Variants in IHO1 observed in about 807,000 individuals in gnomAD.
IHO1 encodes interactor of HORMAD1 1.
A neutral mutation model predicts 31.0 loss-of-function variants in IHO1; 13 were observed. That is an observed-to-expected ratio of 0.42 (90% CI 0.27 to 0.67). The LOEUF (loss-of-function observed/expected upper bound fraction) is 0.67. IHO1 is among the 30% of genes least tolerant of loss of function. IHO1 has a pLI of 0.24. For missense variants in IHO1, 599 were observed against 687.5 expected, an observed-to-expected ratio of 0.87 and a Z score of 1.44; for synonymous variants, 221 against 248.4, an observed-to-expected ratio of 0.89 and a Z score of 1.04.
chr3:49,228,613 A>G lies in IHO1; in HGVS notation c.57-7935A>G, dbSNP rs1037127494. Among the ~76,000 whole-genome samples, 36 of 152,240 alleles carry G rather than the reference A, an allele frequency of 2.4e-4. 7 individuals carry two copies. The highest frequency in any genetic ancestry group is 1.8e-3 in the Admixed American group (28 of 15,292). The stretch of plus-strand genomic sequence containing the variant: ...AGGAATGAAGCTGTGGACCTTCGCG[A>G]TGAGTGTTACAGCTCTTAAAGATGG... On this transcript the variant is annotated intron_variant, in intron 2 of 7. Transcript: ENST00000452691.
intron 2 of IHO1, chr3:49,228,462 A>G (rs1210422913): frequency 5.7e-6 from 2 of 349,348 alleles, no homozygotes; most frequent in East Asian, 8.9e-5. Flanking sequence ...TTCTAAGGAA[A>G]AATAGAACAG....
chr3:49,224,879 C>A (rs1392895384), intron 2 of IHO1, among the ~76,000 whole-genome samples: 1 of 152,208 alleles, frequency 6.6e-6, no homozygotes, highest in Non-Finnish European at 1.5e-5. Context: ...GGGCCATTCC[C>A]TCAAGGAGTA....
rs118152762 is a variant in IHO1 at position 49,242,259 on chromosome 3, G to T, written c.395+870G>T. On this transcript the variant is annotated intron_variant, in intron 4 of 7. Transcript: ENST00000452691. ...CAGTCTTCCCACCTTAGCTTCCCAA[G>T]TAGCTTCGATCAGAGGCACACACAG... 7.2e-5 allele frequency among the ~76,000 whole-genome samples: 11 copies of T among 151,996 alleles called. 1 individual carries two copies. The East Asian group carries it at 1.9e-3, about 27-fold the overall frequency.
upstream of IHO1, among the ~76,000 whole-genome samples, chr3:49,196,761 C>T (rs1431150959): frequency 6.6e-6 from 1 of 151,204 alleles, no homozygotes; most frequent in Non-Finnish European, 1.5e-5. Flanking sequence ...ACCTCTGCCT[C>T]CTGGGTTCAC....
intron 1 of IHO1, among the ~76,000 whole-genome samples, chr3:49,202,723 T>C (rs1048194635): frequency 5.3e-5 from 8 of 151,668 alleles, no homozygotes; most frequent in African/African-American, 1.9e-4. Context: ...TCACCCAGGC[T>C]GGAGTACGAT....
In IHO1 at chr3:49,255,567, T is replaced by C. The variant is rs538810070; in HGVS notation, c.636+74T>C. On this transcript the variant is annotated intron_variant, in intron 7 of 7. Transcript: ENST00000452691. ...TAGACCCAGAGAGAAACTTTTTTTTTTTTTTTTTTTTTGAGACAGAGTCTC... is the reference window on the plus strand; with the variant it reads ...TAGACCCAGAGAGAAACTTTTTTTTCTTTTTTTTTTTTGAGACAGAGTCTC... 2.3e-4 allele frequency: 226 copies of C among 988,194 alleles called. 2 individuals are homozygous for C. In the East Asian group the frequency reaches 6.2e-3, roughly 27 times the overall value. The allele number at this position is 988,194 out of a possible 1,614,324, so 61.2% of individuals were successfully genotyped here. A position where few individuals can be genotyped will look rare whatever the true frequency, so the allele number is the denominator to read the frequency against.
intron 2 of IHO1, among the ~76,000 whole-genome samples, chr3:49,233,823 A>T (rs1280676731): frequency 6.6e-6 from 1 of 152,118 alleles, no homozygotes; most frequent in African/African-American, 2.4e-5. Flanking sequence ...TACCAGAATG[A>T]GGGCAAGGAA....
Position 49,257,225 on chromosome 3 carries a change from A to G in IHO1, c.1728A>G (p.Ala576=). The part of the protein sequence containing the change: ...GCSETPLCKE[A]GKNLLYDLGF... Reference sequence around the variant, plus strand: ...CAGAGACCCCTCTATGCAAGGAGGCAGGAAAGAATTTGCTCTATGACCTGG... The same window carrying G: ...CAGAGACCCCTCTATGCAAGGAGGCGGGAAAGAATTTGCTCTATGACCTGG... Residue 576 remains alanine, a synonymous_variant, in exon 8 of 8, where the codon GCA becomes GCG. Transcript: ENST00000452691. 1 of 1,614,194 alleles carries G rather than the reference A, an allele frequency of 6.2e-7. No homozygotes were observed. The highest frequency in any genetic ancestry group is 8.5e-7 in the Non-Finnish European group (1 of 1,180,014).
intron 2 of IHO1, among the ~76,000 whole-genome samples, chr3:49,214,632 ATT>A (rs3083884): frequency 4.4e-3 from 23 of 5,180 alleles, no homozygotes; most frequent in African/African-American, 0.015. Flanking sequence ...ATATATATAT[ATT>A]TTTTTTTTTT....
chr3:49,191,731 A>G, the IHO1 span: 2 of 1,593,522 alleles, frequency 1.3e-6, no homozygotes, highest in South Asian at 2.2e-5. Context: ...GATTAACATA[A>G]AGTGCACTCT....
chr3:49,204,526 A>C (rs2046109561), intron 1 of IHO1, among the ~76,000 whole-genome samples: 1 of 152,164 alleles, frequency 6.6e-6, no homozygotes, highest in African/African-American at 2.4e-5. Context: ...TTCTGAAAGA[A>C]TTTTGGTGAT....
intron 1 of IHO1, among the ~76,000 whole-genome samples, chr3:49,202,495 TTGTGTGTGTGTGTG>T (rs113425200): frequency 0.012 from 1,511 of 129,984 alleles, 21 homozygotes; most frequent in African/African-American, 0.033. Flanking sequence ...CCGGCTAATT[TTGTGTGTGTGTGTG>T]TGTGTGTGTG....
chr3:49,245,131 C>A, intron 6 of IHO1: 1 of 400,948 alleles, frequency 2.5e-6, no homozygotes, highest in Non-Finnish European at 4.5e-6. Flanking sequence ...ACCTGCTGCT[C>A]TTCTTGCTGC....
chr3:49,198,730 T>C (rs1448032206), upstream of IHO1: 1 of 152,362 alleles, frequency 6.6e-6, no homozygotes, highest in East Asian at 1.9e-4. Context: ...CAGGCTGGTC[T>C]CAAGCATGTT....
At chr3:49,201,511 T>C (rs2046069108) in intron 1 of IHO1, among the ~76,000 whole-genome samples, 1 of 152,012 alleles carries the variant, frequency 6.6e-6, no homozygotes, top group Admixed American at 6.6e-5. Context: ...TAATCCCAGC[T>C]ACTCGGGAGG....
At chr3:49,228,398 G>C in intron 2 of IHO1, 1 of 428,814 alleles carries the variant, frequency 2.3e-6, no homozygotes, top group Non-Finnish European at 4.7e-6. Flanking sequence ...TAGTCCAGCG[G>C]CCACGCTAGT....
intron 2 of IHO1, chr3:49,228,256 C>T: frequency 2.3e-6 from 1 of 441,204 alleles, no homozygotes. Context: ...GCTTTCCTCT[C>T]TGTCAACCTT....
intron 6 of IHO1, among the ~76,000 whole-genome samples, chr3:49,250,470 TTTGC>T (rs1328638170): frequency 6.6e-6 from 1 of 152,162 alleles, no homozygotes; most frequent in Admixed American, 6.6e-5. Flanking sequence ...AATCAAACAC[TTTGC>T]TTGCCTTTCT....
intron 2 of IHO1, among the ~76,000 whole-genome samples, chr3:49,218,260 GCTCT>G (rs1221515122): frequency 1.1e-4 from 16 of 150,964 alleles, no homozygotes; most frequent in South Asian, 2.1e-4. Flanking sequence ...GACAGCTCCG[GCTCT>G]CTCTCTCTCT....
Sources: gnomAD v4.1 joint callset for allele counts (sites outside exome capture counted in the v4.1 genomes callset) on GRCh38, gnomAD v4.1.1 for gene constraint, MANE v1.5 for transcripts, NCBI Gene and HGNC (gene_info 2026-07-23, HGNC 2026-07-21) for gene names.